ABCC1: variants seen among roughly 807,000 people sequenced by gnomAD.
ABCC1 encodes multidrug resistance-associated protein 1.
In ABCC1, 83 loss-of-function variants were observed where a neutral mutation model predicts 172.9. The ratio of observed to expected loss-of-function variants is 0.48; its 90% CI spans 0.40 to 0.58. The LOEUF (loss-of-function observed/expected upper bound fraction) is 0.58, where lower values mean the gene tolerates loss of function less well. Ranked by LOEUF, ABCC1 falls within the 20% of genes least tolerant of loss-of-function variation. The pLI is 0.00. For synonymous variants in ABCC1, 937 were observed against 825.2 expected (o/e 1.14, Z -2.32); for missense variants, 1,817 against 2,002.7 (o/e 0.91, Z 1.77).
At chr16:16,049,214 G>C (rs1275683332) in intron 10 of ABCC1, among the ~76,000 whole-genome samples, 2 of 152,096 alleles carry the variant, frequency 1.3e-5, no homozygotes, top group African/African-American at 2.4e-5. Context: ...AGATAAAGGT[G>C]CCAGAGAAAA....
intron 12 of ABCC1, among the ~76,000 whole-genome samples, chr16:16,063,012 A>C (rs1163483844): frequency 1.3e-5 from 2 of 152,146 alleles, no homozygotes; most frequent in African/African-American, 4.8e-5. Context: ...ATCATTCTCT[A>C]TGGTAATGAT....
chr16:16,068,384 A>G, intron 13 of ABCC1, 82 bp downstream of exon 13: 2 of 1,532,786 alleles, frequency 1.3e-6, no homozygotes, highest in South Asian at 1.1e-5. Flanking sequence ...CCCCGAGCGC[A>G]GCCTCTAGAT....
At chr16:16,071,070 C>CTTTTAT (rs1045021633) in intron 13 of ABCC1, among the ~76,000 whole-genome samples, 1 of 151,838 alleles carries the variant, frequency 6.6e-6, no homozygotes, top group Non-Finnish European at 1.5e-5. Context: ...CCCTTTTCTT[C>CTTTTAT]TTTTATTTTT....
intron 19 of ABCC1, chr16:16,094,175 G>T: frequency 3.9e-6 from 1 of 259,400 alleles, no homozygotes; most frequent in South Asian, 4.8e-5. Context: ...GCTCACGTAT[G>T]GGTTAATCCG....
chr16:16,014,407 A>G, intron 3 of ABCC1, 84 bp from the exon 4 acceptor site: 2 of 1,492,110 alleles, frequency 1.3e-6, no homozygotes, highest in Admixed American at 2.1e-5. Context: ...AGATTGCACC[A>G]CTGCGCTCCA....
intron 1 of ABCC1, among the ~76,000 whole-genome samples, chr16:15,975,913 T>C (rs1324825526): frequency 1.3e-5 from 2 of 152,120 alleles, no homozygotes; most frequent in Admixed American, 1.3e-4. Context: ...TCAGGAGAAT[T>C]AAATGGACAT....
In ABCC1 at chr16:16,005,335, C is replaced by A. The variant is rs767041706; in HGVS notation, c.49-2481C>A. ...ATGTAACAGGAATGGGGCCCAGCAC[C>A]ACCAGATTTTCTGATTTTTTTTTTT... On this transcript the variant is annotated intron_variant, in intron 1 of 30. Transcript: ENST00000399410. Among the ~76,000 whole-genome samples, 42 of 146,802 alleles carry A rather than the reference C, an allele frequency of 2.9e-4. 1 individual carries two copies. The highest frequency in any genetic ancestry group is 5.5e-4 in the Non-Finnish European group (37 of 66,674).
chr16:16,090,312 C>A (rs554300464), intron 18 of ABCC1, 93 bp from the exon 19 acceptor site: 1 of 1,346,240 alleles, frequency 7.4e-7, no homozygotes, highest in East Asian at 2.6e-5. Context: ...ACCAGGTGTT[C>A]GTCGGCTCAT....
At position 16,090,543 on chromosome 16, in the gene ABCC1, C is replaced by T. The variant is rs372028376; in HGVS notation, c.2599C>T (p.Arg867Cys). ...AGACGGCGCCTTCGCTGAGTTCCTGCGTACCTATGCCAGCACAGAGCAGGA... is the reference window on the plus strand; with the variant it reads ...AGACGGCGCCTTCGCTGAGTTCCTGTGTACCTATGCCAGCACAGAGCAGGA... ...ARDGAFAEFL[R>C]TYASTEQEQD... Residue 867 changes from arginine to cysteine, a missense_variant, in exon 19 of 31, where the codon CGT (arginine) becomes TGT (cysteine). Physicochemically the swap from Arg to Cys is radical, Grantham distance 180. Coordinates refer to ENST00000399410, the MANE Select transcript of ABCC1 (RefSeq NM_004996.4). 7.7e-5 allele frequency: 125 copies of T among 1,613,266 alleles called. No individual in the cohort carries two copies. Among genetic ancestry groups the T allele is most frequent in the Admixed American group, 1.8e-4 (11 of 59,970 alleles).
At chr16:16,081,059 G>T (rs72777611) in intron 16 of ABCC1, among the ~76,000 whole-genome samples, 3,160 of 152,180 alleles carry the variant, frequency 0.021, 46 homozygotes, top group Non-Finnish European at 0.03. Context: ...GTAAAGACGG[G>T]ATTTTACCAT....
intron 23 of ABCC1, among the ~76,000 whole-genome samples, chr16:16,119,180 C>G (rs1182830524): frequency 1.3e-5 from 2 of 152,174 alleles, no homozygotes; most frequent in African/African-American, 4.8e-5. Flanking sequence ...GTGGCTCATG[C>G]CTTTAATCCC....
At chr16:15,959,567 C>T (rs1406512034) in intron 1 of ABCC1, among the ~76,000 whole-genome samples, 2 of 152,178 alleles carry the variant, frequency 1.3e-5, no homozygotes, top group African/African-American at 4.8e-5. Context: ...CTCAAGCGAT[C>T]CTCCTGCCTC....
At position 16,086,767 on chromosome 16, in the gene ABCC1, G is replaced by A. The variant is rs897278775; in HGVS notation, c.2293-57G>A. ...CACACCACACTCGGCCTGCTTCTACGTATTGTGAGTCTCAAGATTTCCCAG... is the reference window on the plus strand; with the variant it reads ...CACACCACACTCGGCCTGCTTCTACATATTGTGAGTCTCAAGATTTCCCAG... On this transcript the variant is annotated intron_variant, in intron 17 of 30. Coordinates refer to ENST00000399410, the MANE Select transcript of ABCC1 (RefSeq NM_004996.4). 3.8e-5 allele frequency: 61 copies of A among 1,589,770 alleles called. 1 individual carries two copies. Among genetic ancestry groups the A allele is most frequent in the African/African-American group, 3.1e-4 (23 of 74,632 alleles).
chr16:15,973,102 T>C (rs1206044890), intron 1 of ABCC1, among the ~76,000 whole-genome samples: 1 of 151,962 alleles, frequency 6.6e-6, no homozygotes, highest in African/African-American at 2.4e-5. Context: ...GCTAATGTTT[T>C]TCTTTCAATC....
At chr16:15,982,053 T>C (rs2046632571) in intron 1 of ABCC1, among the ~76,000 whole-genome samples, 1 of 152,198 alleles carries the variant, frequency 6.6e-6, no homozygotes, top group African/African-American at 2.4e-5. Flanking sequence ...CACCTCAGCC[T>C]GGACTTCATT....
At chr16:16,073,762 A>G (rs1047352243) in intron 14 of ABCC1, among the ~76,000 whole-genome samples, 5 of 152,158 alleles carry the variant, frequency 3.3e-5, no homozygotes, top group Admixed American at 2.0e-4. Flanking sequence ...GTCTCAAAAA[A>G]CAAACAAACA....
At chr16:16,061,692 T>A (rs2049919685) in intron 12 of ABCC1, among the ~76,000 whole-genome samples, 1 of 152,196 alleles carries the variant, frequency 6.6e-6, no homozygotes, top group Non-Finnish European at 1.5e-5. Context: ...GTTACTTGAT[T>A]CTGTTTACTT....
chr16:16,005,242 G>A (rs1045049263), intron 1 of ABCC1, among the ~76,000 whole-genome samples: 1 of 151,740 alleles, frequency 6.6e-6, no homozygotes, highest in African/African-American at 2.4e-5. Context: ...GGCTTTTTGG[G>A]GACCGCAGCC....
At position 16,038,650 on chromosome 16, in the gene ABCC1, T is replaced by TTTCTGGG. The variant is rs2048848399; in HGVS notation, c.809+2049_809+2050insCTGGGTT. Among the ~76,000 whole-genome samples, 3 of 152,214 alleles carry TTTCTGGG rather than the reference T, an allele frequency of 2.0e-5. No homozygotes were observed. The South Asian group carries it at 6.2e-4, about 32-fold the overall frequency. ...TCACAGACACACCCAGAAATAACAC[T>TTTCTGGG]TTAACAGCAATCTGGGTATCCCTTA... On this transcript the variant is annotated intron_variant, in intron 7 of 30. Transcript: ENST00000399410.
Sources: gnomAD v4.1 joint callset for allele counts (sites outside exome capture counted in the v4.1 genomes callset) on GRCh38, gnomAD v4.1.1 for gene constraint, MANE v1.5 for transcripts, NCBI Gene and HGNC (gene_info 2026-07-23, HGNC 2026-07-21) for gene names.